TRIO: variants seen among roughly 807,000 people sequenced by gnomAD.
The protein encoded by TRIO is trio Rho guanine nucleotide exchange factor.
TRIO carries 58 observed loss-of-function variants against 351.9 expected under a neutral mutation model. The ratio of observed to expected loss-of-function variants is 0.16; its 90% CI spans 0.13 to 0.21. The LOEUF (loss-of-function observed/expected upper bound fraction) is 0.21. TRIO is among the 10% of genes least tolerant of loss of function. TRIO has a pLI of 1.00. For missense variants in TRIO, 3,201 were observed against 4,027.8 expected (o/e 0.79, Z 5.56); for synonymous variants, 1,758 against 1,595.7 (o/e 1.10, Z -2.42).
chr5:14,281,330 G>T (rs575382854), intron 3 of TRIO, among the ~76,000 whole-genome samples: 1 of 151,998 alleles, frequency 6.6e-6, no homozygotes, highest in Admixed American at 6.6e-5. Flanking sequence ...GAGGGTGGAG[G>T]TAGGGGGTCA....
intron 1 of TRIO, among the ~76,000 whole-genome samples, chr5:14,190,346 C>G (rs1790382169): frequency 6.6e-6 from 1 of 152,050 alleles, no homozygotes; most frequent in Non-Finnish European, 1.5e-5. Context: ...ACAGCAAACT[C>G]AGACAATCTG....
intron 1 of TRIO, among the ~76,000 whole-genome samples, chr5:14,217,498 G>T (rs1792298879): frequency 6.6e-6 from 1 of 152,272 alleles, no homozygotes; most frequent in South Asian, 2.1e-4. Context: ...AGAAGGTGGG[G>T]AATTAGGATT....
chr5:14,202,293 G>GTTTTTTTTTTTTTTTTTTTTT (rs1561196197), intron 1 of TRIO, among the ~76,000 whole-genome samples: 1 of 34,350 alleles, frequency 2.9e-5, no homozygotes, highest in African/African-American at 1.0e-4. Context: ...ATATTTTTGT[G>GTTTTTTTTTTTTTTTTTTTTT]ATTTTTTTTT....
chr5:14,507,046 T>C (rs1417589932), intron 55 of TRIO, 76 bp from the exon 56 acceptor site: 2 of 1,486,606 alleles, frequency 1.3e-6, no homozygotes, highest in East Asian at 2.4e-5. Context: ...AGGTCCGACA[T>C]GTTTACTTCT....
chr5:14,290,670 T>C (rs767464772), intron 4 of TRIO, 46 bp from the exon 5 acceptor site: 9 of 1,534,046 alleles, frequency 5.9e-6, no homozygotes, highest in African/African-American at 2.8e-5. Context: ...GTTAAAACTA[T>C]ATAAAATTGG....
Position 14,330,829 on chromosome 5 carries a change from G to GGC in TRIO, c.1784_1785insCG (p.Gly597TrpfsTer85), listed in dbSNP as rs768554585. 6.2e-7 allele frequency: 1 copy of GGC among 1,614,156 alleles called. No homozygotes were observed. The highest frequency in any genetic ancestry group is 8.5e-7 in the Non-Finnish European group (1 of 1,179,994). ...AGAAGCATTTCTGAGCAAACATACA[G>GGC]GTGTGGGGAAATCTCTTCATCGGGC... On this transcript the variant is annotated frameshift_variant, in exon 10 of 57. Transcript: ENST00000344204. LOFTEE classifies it high-confidence loss of function.
At chr5:14,281,006 A>C (rs1735945752) in intron 3 of TRIO, among the ~76,000 whole-genome samples, 1 of 152,174 alleles carries the variant, frequency 6.6e-6, no homozygotes, top group Non-Finnish European at 1.5e-5. Flanking sequence ...AGAGTCCGCA[A>C]GTGGGGAGTC....
chr5:14,304,009 A>G (rs1483198181), intron 7 of TRIO, among the ~76,000 whole-genome samples: 1 of 152,194 alleles, frequency 6.6e-6, no homozygotes, highest in East Asian at 1.9e-4. Context: ...GGAAAGGAGT[A>G]AGGCTGACGT....
chr5:14,192,252 T>TC (rs1488629224), intron 1 of TRIO, among the ~76,000 whole-genome samples: 1 of 150,456 alleles, frequency 6.6e-6, no homozygotes, highest in South Asian at 2.1e-4. Context: ...CCCTTTTTTT[T>TC]CCTTCTTCTT....
intron 9 of TRIO, among the ~76,000 whole-genome samples, chr5:14,319,774 A>G (rs1173800013): frequency 6.6e-6 from 1 of 152,214 alleles, no homozygotes; most frequent in Non-Finnish European, 1.5e-5. Flanking sequence ...AGGAGCAAAT[A>G]TGTCTATTAG....
chr5:14,415,485 G>A (rs1377109509), intron 33 of TRIO, among the ~76,000 whole-genome samples: 4 of 152,150 alleles, frequency 2.6e-5, no homozygotes, highest in African/African-American at 4.8e-5. Flanking sequence ...AAAGGAAGAC[G>A]TGACAACTCG....
At chr5:14,454,224 C>T in intron 34 of TRIO, among the ~76,000 whole-genome samples, 1 of 152,168 alleles carries the variant, frequency 6.6e-6, no homozygotes, top group East Asian at 1.9e-4. Flanking sequence ...CCACCGTGCC[C>T]TGCCCAGATT....
intron 2 of TRIO, among the ~76,000 whole-genome samples, chr5:14,279,298 A>T (rs1735790552): frequency 6.6e-6 from 1 of 152,228 alleles, no homozygotes. Context: ...ATGTTTTTAA[A>T]ATACCATCAT....
chr5:14,493,459 T>C (rs1224336141), intron 49 of TRIO, among the ~76,000 whole-genome samples: 3 of 152,212 alleles, frequency 2.0e-5, no homozygotes, highest in East Asian at 1.9e-4. Flanking sequence ...TACGGTGATA[T>C]GTAGTTAGTG....
chr5:14,414,792 T>C (rs1483075364), intron 33 of TRIO, among the ~76,000 whole-genome samples: 2 of 152,186 alleles, frequency 1.3e-5, no homozygotes, highest in African/African-American at 4.8e-5. Context: ...TGACCTTATG[T>C]AAAGCAGCTT....
chr5:14,390,137 T>G, intron 25 of TRIO, 94 bp from the exon 26 acceptor site: 1 of 1,145,488 alleles, frequency 8.7e-7, no homozygotes, highest in South Asian at 1.5e-5. Flanking sequence ...TGTTCATTCT[T>G]TAGGGGGCAC....
chr5:14,190,431 G>T (rs939676255), intron 1 of TRIO, among the ~76,000 whole-genome samples: 3 of 152,148 alleles, frequency 2.0e-5, no homozygotes, highest in African/African-American at 7.2e-5. Flanking sequence ...GAACCCCTTT[G>T]TGCATAAGAG....
At chr5:14,247,229 C>G (rs1055768500) in intron 1 of TRIO, among the ~76,000 whole-genome samples, 3 of 152,236 alleles carry the variant, frequency 2.0e-5, no homozygotes, top group Non-Finnish European at 4.4e-5. Flanking sequence ...TGGGCCAAGT[C>G]AAGACATGGA....
intron 1 of TRIO, among the ~76,000 whole-genome samples, chr5:14,264,299 C>T (rs1050519953): frequency 6.6e-6 from 1 of 151,812 alleles, no homozygotes; most frequent in Admixed American, 6.6e-5. Context: ...AAATAAACTA[C>T]TTTCTTTCTT....
Sources: gnomAD v4.1 joint callset for allele counts (sites outside exome capture counted in the v4.1 genomes callset) on GRCh38, gnomAD v4.1.1 for gene constraint, MANE v1.5 for transcripts, NCBI Gene and HGNC (gene_info 2026-07-23, HGNC 2026-07-21) for gene names.